PRKD1: variants seen among roughly 807,000 people sequenced by gnomAD.
PRKD1 encodes serine/threonine-protein kinase D1.
PRKD1 carries 63 observed loss-of-function variants against 95.9 expected under a neutral mutation model. The ratio of observed to expected loss-of-function variants is 0.66; its 90% CI spans 0.54 to 0.81. The LOEUF (loss-of-function observed/expected upper bound fraction) is 0.81, where lower values mean the gene tolerates loss of function less well. PRKD1 is among the 30% of genes least tolerant of loss of function. The pLI, the probability that PRKD1 is intolerant of heterozygous loss-of-function variation, is 0.00. For missense variants in PRKD1, 1,048 were observed against 1,165.3 expected (o/e 0.90, Z 1.47); for synonymous variants, 425 against 423.1 (o/e 1.00, Z -0.05).
chr14:29,920,068 A>AAGGAAG (rs1566672303), intron 1 of PRKD1, among the ~76,000 whole-genome samples: 3 of 96,980 alleles, frequency 3.1e-5, no homozygotes, highest in Admixed American at 9.7e-5. Flanking sequence ...AAGGAAGGAA[A>AAGGAAG]GAAGGAAGGA....
intron 1 of PRKD1, among the ~76,000 whole-genome samples, chr14:29,851,859 AG>A (rs1177836209): frequency 6.6e-6 from 1 of 152,206 alleles, no homozygotes; most frequent in Non-Finnish European, 1.5e-5. Context: ...GACTGGATAA[AG>A]AAAATGTGGT....
chr14:29,701,030 G>A (rs1425501514), intron 2 of PRKD1, among the ~76,000 whole-genome samples: 1 of 127,036 alleles, frequency 7.9e-6, no homozygotes, highest in Non-Finnish European at 1.6e-5. Context: ...GGGAACTCTG[G>A]GAATCCTACT....
intron 1 of PRKD1, among the ~76,000 whole-genome samples, chr14:29,898,642 G>C (rs1443926188): frequency 6.6e-6 from 1 of 152,136 alleles, no homozygotes; most frequent in East Asian, 1.9e-4. Flanking sequence ...CCACTAGATT[G>C]ATAATTCTGA....
intron 1 of PRKD1, among the ~76,000 whole-genome samples, chr14:29,898,542 T>C (rs940355399): frequency 1.3e-5 from 2 of 152,176 alleles, no homozygotes; most frequent in South Asian, 2.1e-4. Context: ...ATATTACATA[T>C]CATTACATAT....
chr14:29,780,300 A>T (rs1459869620), intron 1 of PRKD1, among the ~76,000 whole-genome samples: 1 of 152,192 alleles, frequency 6.6e-6, no homozygotes, highest in Non-Finnish European at 1.5e-5. Flanking sequence ...GATCTAATTA[A>T]ACTAAAGAGC....
chr14:29,892,760 T>C (rs2139415704), intron 1 of PRKD1, among the ~76,000 whole-genome samples: 1 of 152,278 alleles, frequency 6.6e-6, no homozygotes, highest in South Asian at 2.1e-4. Context: ...AAACTGATTA[T>C]TAGAATGAAT....
intron 1 of PRKD1, among the ~76,000 whole-genome samples, chr14:29,832,085 C>T (rs949782420): frequency 6.6e-6 from 1 of 152,126 alleles, no homozygotes; most frequent in African/African-American, 2.4e-5. Flanking sequence ...GGCTTATCTG[C>T]AGAAGTTTCT....
intron 3 of PRKD1, among the ~76,000 whole-genome samples, chr14:29,665,796 T>C (rs45618837): frequency 0.022 from 3,332 of 152,124 alleles, 108 homozygotes; most frequent in African/African-American, 0.071. Flanking sequence ...TAGGTGTATA[T>C]ATACATAGAC....
chr14:29,668,426 T>C (rs527923702), intron 2 of PRKD1, among the ~76,000 whole-genome samples: 1 of 152,284 alleles, frequency 6.6e-6, no homozygotes, highest in African/African-American at 2.4e-5. Context: ...GGCAACAAAC[T>C]AAACACAATA....
chr14:29,671,428 T>G (rs1211384321), intron 2 of PRKD1, among the ~76,000 whole-genome samples: 1 of 152,118 alleles, frequency 6.6e-6, no homozygotes, highest in African/African-American at 2.4e-5. Context: ...TTTTAAAAGC[T>G]AAAAGAGAAC....
chr14:29,781,785 A>G (rs781697553), intron 1 of PRKD1, among the ~76,000 whole-genome samples: 3 of 152,200 alleles, frequency 2.0e-5, no homozygotes, highest in Non-Finnish European at 4.4e-5. Flanking sequence ...CATAGAACAC[A>G]CCTTTACTAA....
chr14:29,725,719 C>T, intron 1 of PRKD1, 45 bp from the exon 2 acceptor site: 5 of 1,582,660 alleles, frequency 3.2e-6, no homozygotes, highest in Non-Finnish European at 4.3e-6. Context: ...AAAATCCTTC[C>T]AAATATTTTG....
At chr14:29,691,952 T>C (rs969356173) in intron 2 of PRKD1, among the ~76,000 whole-genome samples, 1 of 152,092 alleles carries the variant, frequency 6.6e-6, no homozygotes, top group Admixed American at 6.6e-5. Context: ...AGTGAAGAGG[T>C]AGCCTTCTTC....
intron 1 of PRKD1, among the ~76,000 whole-genome samples, chr14:29,810,997 C>T (rs1890461282): frequency 6.6e-6 from 1 of 152,140 alleles, no homozygotes; most frequent in Admixed American, 6.5e-5. Context: ...TATTATGTCA[C>T]TGAGATTTGA....
intron 1 of PRKD1, among the ~76,000 whole-genome samples, chr14:29,814,900 C>T (rs1890630948): frequency 6.6e-6 from 1 of 152,118 alleles, no homozygotes; most frequent in Non-Finnish European, 1.5e-5. Flanking sequence ...ACTGTATCAC[C>T]ATATACACAG....
chr14:29,621,681 T>C (rs999973634), intron 13 of PRKD1, among the ~76,000 whole-genome samples: 1 of 152,032 alleles, frequency 6.6e-6, no homozygotes, highest in African/African-American at 2.4e-5. Flanking sequence ...CATAGCTGAG[T>C]GATATAATTT....
chr14:29,777,529 G>C (rs932491708), intron 1 of PRKD1, among the ~76,000 whole-genome samples: 7 of 152,082 alleles, frequency 4.6e-5, no homozygotes, highest in Non-Finnish European at 7.3e-5. Flanking sequence ...AACCAACAAA[G>C]ATCAAAAGAG....
intron 13 of PRKD1, among the ~76,000 whole-genome samples, chr14:29,622,028 A>G (rs557317645): frequency 2.0e-5 from 3 of 152,268 alleles, no homozygotes; most frequent in African/African-American, 7.2e-5. Flanking sequence ...GTGGTCCCCA[A>G]CCTTTTTGGC....
At chr14:29,727,119 T>C (rs1886196933) in intron 1 of PRKD1, among the ~76,000 whole-genome samples, 1 of 152,174 alleles carries the variant, frequency 6.6e-6, no homozygotes, top group Non-Finnish European at 1.5e-5. Flanking sequence ...TATCTCATTG[T>C]GGTTTTGATT....
Sources: allele counts gnomAD v4.1 joint callset (sites outside exome capture counted in the v4.1 genomes callset), GRCh38; gene constraint gnomAD v4.1.1; transcripts MANE v1.5; gene names NCBI Gene and HGNC (gene_info 2026-07-23, HGNC 2026-07-21).